CLEC16A: variants seen among roughly 807,000 people sequenced by gnomAD.
CLEC16A encodes the protein C-type lectin domain containing 16A, also known as protein CLEC16A.
A neutral mutation model predicts 109.5 loss-of-function variants in CLEC16A; 51 were observed. The observed-to-expected ratio is 0.47, with a 90% confidence interval of 0.37 to 0.59. CLEC16A has a LOEUF of 0.59. CLEC16A is among the 20% of genes least tolerant of loss of function. The pLI is 0.00. For synonymous variants in CLEC16A, 673 were observed against 564.2 expected (o/e 1.19, Z -2.73); for missense variants, 1,339 against 1,394.0 (o/e 0.96, Z 0.63).
At chr16:11,076,699 C>A (rs1485334867) in intron 19 of CLEC16A, among the ~76,000 whole-genome samples, 3 of 152,202 alleles carry the variant, frequency 2.0e-5, no homozygotes, top group Non-Finnish European at 4.4e-5. Flanking sequence ...GACAGCGCGA[C>A]CTTTAAGGAA....
intron 13 of CLEC16A, among the ~76,000 whole-genome samples, chr16:11,025,493 G>C (rs764086314): frequency 9.2e-5 from 14 of 152,124 alleles, no homozygotes; most frequent in Non-Finnish European, 1.5e-4. Flanking sequence ...CCTTGCTGCC[G>C]ACCCCTGGGA....
At chr16:11,147,411 G>T (rs975480043) in intron 22 of CLEC16A, among the ~76,000 whole-genome samples, 1 of 152,206 alleles carries the variant, frequency 6.6e-6, no homozygotes, top group Non-Finnish European at 1.5e-5. Flanking sequence ...ACTTGGGCCT[G>T]ATTTGAAGAT....
At position 11,180,121 on chromosome 16, in the gene CLEC16A, G is replaced by A. The variant is rs925823698; in HGVS notation, c.*1431G>A. 1 of 152,302 alleles carries A rather than the reference G, an allele frequency of 6.6e-6. No homozygotes were observed. Among genetic ancestry groups the A allele is most frequent in the Non-Finnish European group, 1.5e-5 (1 of 68,116 alleles). The allele number at this position is 152,302 out of a possible 1,614,324, so 9.4% of individuals were successfully genotyped here. ...AGGTATCCGCCGGAGCCTGGCCATAGGGTAGTCTCGGGAGCCGCGCTGAGA... is the reference window on the plus strand; with the variant it reads ...AGGTATCCGCCGGAGCCTGGCCATAAGGTAGTCTCGGGAGCCGCGCTGAGA... On this transcript the variant is annotated 3_prime_UTR_variant, in exon 24 of 24. Coordinates refer to ENST00000409790, the MANE Select transcript of CLEC16A (RefSeq NM_015226.3).
At chr16:11,006,003 G>A (rs1004599024) in intron 11 of CLEC16A, among the ~76,000 whole-genome samples, 4 of 151,516 alleles carry the variant, frequency 2.6e-5, no homozygotes, top group Admixed American at 2.0e-4. Flanking sequence ...TGATATTTGC[G>A]ATTGCAAGAT....
intron 9 of CLEC16A, among the ~76,000 whole-genome samples, chr16:10,979,729 G>C (rs935933766): frequency 2.0e-5 from 3 of 152,154 alleles, no homozygotes; most frequent in African/African-American, 7.2e-5. Flanking sequence ...CTGCAGCTTT[G>C]AATGAAGCCC....
At position 10,961,398 on chromosome 16, in the gene CLEC16A, G is replaced by A. The variant is rs2042243156; in HGVS notation, c.210-1057G>A. ...GGAGATGCCAGACGAGGACAGAGAG[G>A]CACCCACAACTGAGTCAGCCCGCAG... On this transcript the variant is annotated intron_variant, in intron 2 of 23. Transcript: ENST00000409790. This position sits in a 1 kb window ranked among gnomAD's most constrained non-coding sequence, Gnocchi z 4.3. Among the ~76,000 whole-genome samples the A allele has an allele frequency of 6.6e-6, 1 of 152,154 alleles. No individual in the cohort carries two copies. The highest frequency in any genetic ancestry group is 6.5e-5 in the Admixed American group (1 of 15,278).
At chr16:11,083,548 G>A (rs2049849886) in intron 19 of CLEC16A, among the ~76,000 whole-genome samples, 1 of 152,210 alleles carries the variant, frequency 6.6e-6, no homozygotes, top group Admixed American at 6.5e-5. Flanking sequence ...TGACCCCAGG[G>A]CCACTCAGCT....
rs2068677351 is a variant in CLEC16A, at chr16:11,174,706, C to T, written c.2807-3629C>T. Reference sequence around the variant, plus strand: ...CAAAGTGAGAATTTGTAGAAAGCAACCAAGAAGTCTCCTCATTTCTTTTTT... The same window carrying T: ...CAAAGTGAGAATTTGTAGAAAGCAATCAAGAAGTCTCCTCATTTCTTTTTT... On this transcript the variant is annotated intron_variant, in intron 23 of 23. Transcript: ENST00000409790. The surrounding 1 kb of genome is among the most constrained non-coding windows in gnomAD (Gnocchi z 4.7). 2.0e-5 allele frequency among the ~76,000 whole-genome samples: 3 copies of T among 152,254 alleles called. No homozygotes were observed. The highest frequency in any genetic ancestry group is 4.8e-5 in the African/African-American group (2 of 41,474).
At chr16:11,018,829 C>A (rs1159502056) in intron 11 of CLEC16A, among the ~76,000 whole-genome samples, 1 of 151,522 alleles carries the variant, frequency 6.6e-6, no homozygotes, top group East Asian at 1.9e-4. Context: ...GCAGCATGAG[C>A]CAGCCAGGCA....
chr16:11,016,628 G>A (rs750943564), intron 11 of CLEC16A, among the ~76,000 whole-genome samples: 1 of 152,062 alleles, frequency 6.6e-6, no homozygotes, highest in Non-Finnish European at 1.5e-5. Flanking sequence ...GAGCCTCCAC[G>A]CCCAGCCCAC....
At chr16:11,141,434 AC>A (rs561535124) in intron 22 of CLEC16A, among the ~76,000 whole-genome samples, 1 of 152,360 alleles carries the variant, frequency 6.6e-6, no homozygotes, top group Admixed American at 6.5e-5. Context: ...GGGGGCCTCA[AC>A]AGGGCAAGTC....
At chr16:11,145,764 C>G (rs1318689955) in intron 22 of CLEC16A, among the ~76,000 whole-genome samples, 1 of 152,250 alleles carries the variant, frequency 6.6e-6, no homozygotes, top group Admixed American at 6.5e-5. Flanking sequence ...CTCAGCCCCA[C>G]TGTTGCTCTC....
At position 11,047,460 on chromosome 16, in the gene CLEC16A, T is replaced by C. The variant is rs1357006568; in HGVS notation, c.1866+118T>C. ...GGGCTTTGTGACCAAATAGCACAGATTGATGGGGAAGCAGATTTAGAATGG... is the reference window on the plus strand; with the variant it reads ...GGGCTTTGTGACCAAATAGCACAGACTGATGGGGAAGCAGATTTAGAATGG... On this transcript the variant is annotated intron_variant, in intron 17 of 23. Transcript: ENST00000409790. 8.9e-6 allele frequency: 5 copies of C among 561,116 alleles called. No individual in the cohort carries two copies. The East Asian group carries it at 1.4e-4, about 15-fold the overall frequency. The allele number at this position is 561,116 out of a possible 1,614,324, so 34.8% of individuals were successfully genotyped here.
At chr16:11,063,856 T>G (rs556598178) in intron 19 of CLEC16A, among the ~76,000 whole-genome samples, 19 of 150,312 alleles carry the variant, frequency 1.3e-4, no homozygotes, top group African/African-American at 4.4e-4. Flanking sequence ...AGGGCAGAGG[T>G]CAGGAACTGG....
intron 19 of CLEC16A, among the ~76,000 whole-genome samples, chr16:11,087,421 C>G (rs1475347634): frequency 1.3e-5 from 2 of 152,234 alleles, no homozygotes; most frequent in African/African-American, 4.8e-5. Flanking sequence ...GTTAACAAAC[C>G]ACATTTAATA....
At chr16:11,055,436 T>G (rs554223142) in intron 18 of CLEC16A, among the ~76,000 whole-genome samples, 1 of 152,006 alleles carries the variant, frequency 6.6e-6, no homozygotes, top group Admixed American at 6.5e-5. Flanking sequence ...ATCCAGTCCC[T>G]GAGATGCCAC....
chr16:10,968,973 C>T (rs2042648724), intron 3 of CLEC16A, among the ~76,000 whole-genome samples, 188 bp from the exon 4 acceptor site: 1 of 152,052 alleles, frequency 6.6e-6, no homozygotes, highest in Non-Finnish European at 1.5e-5. Flanking sequence ...CTTTGAACTT[C>T]CTGGTGACTG....
At chr16:11,123,624 G>C (rs1358103091) in intron 20 of CLEC16A, 118 bp from the exon 21 acceptor site, 1 of 982,628 alleles carries the variant, frequency 1.0e-6, no homozygotes, top group African/African-American at 1.6e-5. Flanking sequence ...GTCGATCTTA[G>C]ATCAAAAGCA....
rs901624041 is a variant in CLEC16A at position 10,954,740 on chromosome 16, A to G, written c.81-3042A>G. ...TTAACCATATACTCTAGTGCCTCTC[A>G]GGAAATACCAGACTTTCTCTACTTC... On this transcript the variant is annotated intron_variant, in intron 1 of 23. Coordinates refer to ENST00000409790, the MANE Select transcript of CLEC16A (RefSeq NM_015226.3). This position sits in a 1 kb window ranked among gnomAD's most constrained non-coding sequence, Gnocchi z 4.2. Among the ~76,000 whole-genome samples, 1 of 152,186 alleles carries G rather than the reference A, an allele frequency of 6.6e-6. No individual in the cohort carries two copies.
Sources: gnomAD v4.1 joint callset for allele counts (sites outside exome capture counted in the v4.1 genomes callset) on GRCh38, gnomAD v4.1.1 for gene constraint, Gnocchi (gnomAD v3.1) non-coding constraint, MANE v1.5 for transcripts, NCBI Gene and HGNC (gene_info 2026-07-23, HGNC 2026-07-21) for gene names.